The following CCDC33 variants were observed in gnomAD, a reference collection of about 807,000 sequenced individuals.
The protein encoded by CCDC33 is coiled-coil domain-containing protein 33.
In CCDC33, 94 loss-of-function variants were observed where a neutral mutation model predicts 91.9. The ratio of observed to expected loss-of-function variants is 1.02; its 90% CI spans 0.87 to 1.21. The LOEUF (loss-of-function observed/expected upper bound fraction) is 1.21, where lower values mean the gene tolerates loss of function less well. CCDC33 is among the 50% of genes most tolerant of loss of function. The pLI is 0.00. For synonymous variants in CCDC33, 396 were observed against 374.5 expected, an observed-to-expected ratio of 1.06 and a Z score of -0.66; for missense variants, 940 against 935.5, an observed-to-expected ratio of 1.00 and a Z score of -0.06.
chr15:74,209,352 T>A, intron 1 of CCDC33: 1 of 1,533,406 alleles, frequency 6.5e-7, no homozygotes, highest in Non-Finnish European at 8.7e-7. Context: ...AGGAACCCCC[T>A]ACTTACCTCC....
intron 1 of CCDC33, among the ~76,000 whole-genome samples, chr15:74,239,709 G>C (rs945824987): frequency 6.6e-6 from 1 of 152,230 alleles, no homozygotes; most frequent in African/African-American, 2.4e-5. Flanking sequence ...GGTTAAGTGA[G>C]AGGGAGCCTG....
At chr15:74,217,146 C>A, upstream of CCDC33, 1 of 635,092 alleles carries the variant, frequency 1.6e-6, no homozygotes, top group Non-Finnish European at 2.2e-6. Context: ...GGTTTCTCCT[C>A]AAACAAACAG....
intron 11 of CCDC33, among the ~76,000 whole-genome samples, chr15:74,308,789 G>A (rs1429185707): frequency 6.6e-6 from 1 of 152,180 alleles, no homozygotes; most frequent in African/African-American, 2.4e-5. Context: ...AGGGGCTCGG[G>A]GATTTGGAAG....
At position 74,282,093 on chromosome 15, in the gene CCDC33, C is replaced by A. The variant is rs550044910; in HGVS notation, c.1095+244C>A. ...AGTCAGCCTCTGACCAAGCCCAAGC[C>A]AAGTCTGGCTCACTGGGATCGAGGT... is the stretch of plus-strand genomic sequence containing the variant. On this transcript the variant is annotated intron_variant, in intron 10 of 18. Transcript: ENST00000398814. 2.6e-5 allele frequency among the ~76,000 whole-genome samples: 4 copies of A among 152,196 alleles called. No individual in the cohort carries two copies. In the East Asian group the frequency reaches 7.7e-4, roughly 29 times the overall value.
At chr15:74,284,833 G>A (rs1371714208) in intron 10 of CCDC33, among the ~76,000 whole-genome samples, 1 of 152,214 alleles carries the variant, frequency 6.6e-6, no homozygotes, top group Non-Finnish European at 1.5e-5. Flanking sequence ...TGCGCCTAAG[G>A]TGTTGCCTGC....
intron 1 of CCDC33, among the ~76,000 whole-genome samples, chr15:74,205,611 G>A (rs774185308): frequency 2.2e-4 from 34 of 152,194 alleles, no homozygotes; most frequent in Admixed American, 5.9e-4. Context: ...ATGAGATTTG[G>A]AGGGCACACA....
intron 10 of CCDC33, among the ~76,000 whole-genome samples, chr15:74,294,062 C>T (rs1050644944): frequency 1.3e-5 from 2 of 152,176 alleles, no homozygotes; most frequent in Non-Finnish European, 1.5e-5. Context: ...ATGGACTTTC[C>T]TATAGAAGAA....
At chr15:74,262,154 G>A (rs2076040383) in intron 2 of CCDC33, among the ~76,000 whole-genome samples, 1 of 152,128 alleles carries the variant, frequency 6.6e-6, no homozygotes, top group Admixed American at 6.5e-5. Flanking sequence ...GGCGGGCAAA[G>A]CATCTACCCT....
In CCDC33 at chr15:74,335,915, C is replaced by G. The variant is rs1192679433; in HGVS notation, c.2140-10C>G. 6.2e-7 allele frequency: 1 copy of G among 1,610,994 alleles called. No individual in the cohort carries two copies. Among genetic ancestry groups the G allele is most frequent in the Non-Finnish European group, 8.5e-7 (1 of 1,177,796 alleles). ...GGGGGTACTCACGCACCCCGCTTTG[C>G]ACACCACAGAGTGCCCTCACCCACT... On this transcript the variant is annotated splice_polypyrimidine_tract_variant and intron_variant, in intron 18 of 18. Coordinates refer to ENST00000398814, the MANE Select transcript of CCDC33 (RefSeq NM_025055.5).
At chr15:74,291,162 C>T (rs1391680413) in intron 10 of CCDC33, among the ~76,000 whole-genome samples, 1 of 152,230 alleles carries the variant, frequency 6.6e-6, no homozygotes, top group Non-Finnish European at 1.5e-5. Context: ...ACTGCAGCTG[C>T]AAGAGCACGC....
chr15:74,243,712 T>A (rs1276195685), intron 1 of CCDC33: 1 of 498,990 alleles, frequency 2.0e-6, no homozygotes, highest in Non-Finnish European at 3.9e-6. Flanking sequence ...ATCCCAGCAC[T>A]CTGGGAGGCC....
At chr15:74,234,430 G>A (rs149259470), upstream of CCDC33, among the ~76,000 whole-genome samples, 445 of 152,278 alleles carry the variant, frequency 2.9e-3, 1 homozygote, top group African/African-American at 0.01. Context: ...AGGAAGGGGA[G>A]GAGAAGGTAG....
At chr15:74,241,518 T>C (rs2075348541) in intron 1 of CCDC33, among the ~76,000 whole-genome samples, 1 of 152,052 alleles carries the variant, frequency 6.6e-6, no homozygotes, top group Non-Finnish European at 1.5e-5. Context: ...TGGGACAAGA[T>C]GAGGTCAGTT....
chr15:74,320,382 C>T (rs1480237076), intron 11 of CCDC33, among the ~76,000 whole-genome samples: 1 of 152,120 alleles, frequency 6.6e-6, no homozygotes, highest in Non-Finnish European at 1.5e-5. Context: ...CTCCACCCCT[C>T]CCCTGCAGGA....
intron 10 of CCDC33, among the ~76,000 whole-genome samples, chr15:74,289,092 C>T (rs756316061): frequency 1.7e-4 from 26 of 152,102 alleles, no homozygotes; most frequent in Non-Finnish European, 2.4e-4. Context: ...TGGAGCCCTG[C>T]GAACCCATCA....
chr15:74,321,610 A>G (rs1325380928), intron 11 of CCDC33, among the ~76,000 whole-genome samples: 1 of 152,104 alleles, frequency 6.6e-6, no homozygotes, highest in Non-Finnish European at 1.5e-5. Flanking sequence ...TGTGTTGGCT[A>G]GGCTGGTCTT....
chr15:74,236,429 G>A lies in CCDC33; in HGVS notation c.-291G>A. The A allele has an allele frequency of 2.4e-6, 1 of 422,188 alleles. No homozygotes were observed. Among genetic ancestry groups the A allele is most frequent in the Non-Finnish European group, 4.2e-6 (1 of 237,410 alleles). 26.2% of individuals were successfully genotyped at this position (422,188 alleles called of 1,614,324 possible). On this transcript the variant is annotated 5_prime_UTR_variant, in exon 1 of 19. Transcript: ENST00000398814. ...GCCTCATTGCTGACCCTGTCCAGCT[G>A]GCCATGGCCCTCAACCCCCAAGGCC...
In CCDC33 at chr15:74,244,194, G is replaced by A. The variant is rs1447779251; in HGVS notation, c.185+46G>A. ...GGGGGCAGGGGATGGGTTGGGCTGT[G>A]AGCAGAAACCAGGGGACAGCTATTT... On this transcript the variant is annotated intron_variant, in intron 2 of 18. Transcript: ENST00000398814. This position sits in a 1 kb window ranked among gnomAD's most constrained non-coding sequence, Gnocchi z 4.2. 1.3e-6 allele frequency: 2 copies of A among 1,575,734 alleles called. No homozygotes were observed. Among genetic ancestry groups the A allele is most frequent in the Non-Finnish European group, 1.7e-6 (2 of 1,157,926 alleles).
At chr15:74,217,670 A>T in intron 1 of CCDC33, 1 of 1,036,688 alleles carries the variant, frequency 9.6e-7, no homozygotes, top group South Asian at 1.7e-5. Flanking sequence ...GCCTCAGGAG[A>T]ACTGGGAGGG....
Sources: allele counts gnomAD v4.1 joint callset (sites outside exome capture counted in the v4.1 genomes callset), GRCh38; gene constraint gnomAD v4.1.1; non-coding constraint Gnocchi (gnomAD v3.1); transcripts MANE v1.5; gene names NCBI Gene and HGNC (gene_info 2026-07-23, HGNC 2026-07-21).